The following SLC44A4 variants were observed in gnomAD, a reference collection of about 807,000 sequenced individuals.
The protein encoded by SLC44A4 is choline transporter-like protein 4.
Under a neutral mutation model 97.0 loss-of-function variants are expected in SLC44A4, and 74 were observed. The ratio of observed to expected loss-of-function variants is 0.76; its 90% CI spans 0.63 to 0.93. The LOEUF is 0.93. SLC44A4 is among the 40% of genes least tolerant of loss of function. The pLI, the probability that SLC44A4 is intolerant of heterozygous loss-of-function variation, is 0.00. For missense variants in SLC44A4, 799 were observed against 902.9 expected (o/e 0.88, Z 1.48); for synonymous variants, 325 against 363.8 (o/e 0.89, Z 1.21).
intron 12 of SLC44A4, 136 bp downstream of exon 12, chr6:31,869,409 A>C: frequency 1.1e-6 from 1 of 946,458 alleles, no homozygotes; most frequent in Non-Finnish European, 1.6e-6. Flanking sequence ...CTGTTCAGGC[A>C]CAGTGCTGGT....
chr6:31,865,076 CCA>C lies in SLC44A4; in HGVS notation c.1763_1764del (p.Val588GlyfsTer39), dbSNP rs1562441452. 1 of 1,613,206 alleles carries C rather than the reference CCA, an allele frequency of 6.2e-7. No homozygotes were observed. Among genetic ancestry groups the C allele is most frequent in the African/African-American group, 1.3e-5 (1 of 74,908 alleles). On this transcript the variant is annotated frameshift_variant and splice_region_variant, in exon 18 of 21. Transcript: ENST00000229729. LOFTEE classifies it high-confidence loss of function. The surrounding 1 kb of genome is among the most constrained non-coding windows in gnomAD (Gnocchi z 5.2). ...AGGTCTGTGACTTTGTCCAGGACGA[CCA>C]CCCTGTGCCAGAAGTTAGGGCAGGT... is the stretch of plus-strand genomic sequence containing the variant. ...FMLLMRNIVR[V>X]VVLDKVTDLL...
chr6:31,863,789 C>T (rs755766515), intron 20 of SLC44A4, 41 bp from the exon 21 acceptor site: 11 of 1,609,386 alleles, frequency 6.8e-6, no homozygotes, highest in African/African-American at 1.3e-5. Flanking sequence ...ACCCTGGGGC[C>T]AGGAAATCGG....
chr6:31,870,697 C>T lies in SLC44A4; in HGVS notation c.943G>A (p.Val315Met), dbSNP rs149824010. Reference sequence around the variant, plus strand: ...AGGATGGCTTCAAGCACCGCCAACACGATCACTGCAGAGGACGGGGCAGAC... The same window carrying T: ...AGGATGGCTTCAAGCACCGCCAACATGATCACTGCAGAGGACGGGGCAGAC... ...VQETWLAALI[V>M]LAVLEAILLL... Residue 315 changes from valine to methionine, a missense_variant, in exon 11 of 21, where the codon GTG (valine) becomes ATG (methionine). Val to Met is a conservative substitution (Grantham distance 21). Transcript: ENST00000229729. The T allele has an allele frequency of 3.0e-5, 48 of 1,611,462 alleles. No individual in the cohort carries two copies. In the East Asian group the frequency reaches 6.0e-4, roughly 20 times the overall value.
At chr6:31,869,772 T>C in intron 11 of SLC44A4, 135 bp from the exon 12 acceptor site, 1 of 658,192 alleles carries the variant, frequency 1.5e-6, no homozygotes, top group Non-Finnish European at 2.7e-6. Flanking sequence ...GATCACGAGG[T>C]CAGGAGATCG....
In SLC44A4 at chr6:31,864,881, G is replaced by C. The variant is rs752284502; in HGVS notation, c.1861C>G (p.Arg621Gly). ...GVLSFFFFSG[R>G]IPGLGKDFKS... is the part of the protein sequence containing the mutation. Reference sequence around the variant, plus strand: ...AAGTCTTTACCCAGCCCCGGGATGCGACCGGAGAAAAAAAAGAAGGACAGG... The same window carrying C: ...AAGTCTTTACCCAGCCCCGGGATGCCACCGGAGAAAAAAAAGAAGGACAGG... Residue 621 changes from arginine to glycine, a missense_variant, in exon 19 of 21, where the codon CGC becomes GGC. By Grantham distance (125) the Arg-to-Gly change is moderately radical. This residue lies in a region of SLC44A4 where 379 missense variants were observed against 438.3 expected (regional missense o/e 0.86). Transcript: ENST00000229729. The C allele has an allele frequency of 3.1e-6, 5 of 1,613,864 alleles. No individual in the cohort carries two copies. The African/African-American group carries it at 5.3e-5, about 17-fold the overall frequency.
In SLC44A4 at chr6:31,870,961, A is replaced by T. The variant is rs762871670; in HGVS notation, c.788T>A (p.Leu263Gln). ...GTATGCCAGCACGCCCAGCACTCCC[A>T]GGATCAGCACCAGCACCAGGGGCCC... The part of the protein sequence containing the change: ...VAGPLVLVLI[L>Q]GVLGVLAYGI... Residue 263 changes from leucine to glutamine, a missense_variant, in exon 10 of 21, where the codon CTG becomes CAG. Around this residue, in one of 3 missense-constraint regions of SLC44A4, gnomAD observed 409 missense variants for 434.1 expected, o/e 0.94. Coordinates refer to ENST00000229729, the MANE Select transcript of SLC44A4 (RefSeq NM_025257.3). The T allele has an allele frequency of 1.2e-6, 2 of 1,613,066 alleles. No homozygotes were observed. Among genetic ancestry groups the T allele is most frequent in the African/African-American group, 2.7e-5 (2 of 75,032 alleles).
intron 13 of SLC44A4, among the ~76,000 whole-genome samples, chr6:31,868,051 C>G (rs1414508253): frequency 1.3e-5 from 2 of 152,098 alleles, no homozygotes; most frequent in Non-Finnish European, 2.9e-5. Context: ...CTCCTGACCT[C>G]AGGTGATCTG....
At chr6:31,870,014 T>G (rs575591) in intron 11 of SLC44A4, among the ~76,000 whole-genome samples, 90,585 of 150,860 alleles carry the variant, frequency 0.6, 27,710 homozygotes, top group Middle Eastern at 0.78. Flanking sequence ...GGCTGACCCC[T>G]CTGCCCTCAC....
At position 31,877,773 on chromosome 6, in the gene SLC44A4, A is replaced by T; in HGVS notation, c.41-691T>A. On this transcript the variant is annotated intron_variant, in intron 1 of 20. Transcript: ENST00000229729. This position sits in a 1 kb window ranked among gnomAD's most constrained non-coding sequence, Gnocchi z 6.5. ...CACGTTGAGTTCCTGGTCCTCCCTG[A>T]GTACACACACAGGGAGGAGGAGGGC... is the stretch of plus-strand genomic sequence containing the variant. The T allele has an allele frequency of 4.1e-5, 9 of 222,024 alleles. No individual in the cohort carries two copies. The highest frequency in any genetic ancestry group is 6.8e-5 in the Non-Finnish European group (9 of 131,930). 13.8% of individuals were successfully genotyped at this position (222,024 alleles called of 1,614,324 possible).
chr6:31,869,756 C>T (rs563701199), intron 11 of SLC44A4, 119 bp from the exon 12 acceptor site: 26 of 714,382 alleles, frequency 3.6e-5, no homozygotes, highest in African/African-American at 1.2e-4. Flanking sequence ...GAGGCTGAGG[C>T]GGGCGGATCA....
chr6:31,877,693 G>C lies in SLC44A4; in HGVS notation c.41-611C>G, dbSNP rs562658761. On this transcript the variant is annotated intron_variant, in intron 1 of 20. Coordinates refer to ENST00000229729, the MANE Select transcript of SLC44A4 (RefSeq NM_025257.3). The surrounding 1 kb of genome is among the most constrained non-coding windows in gnomAD (Gnocchi z 6.5). ...CAGTCCCCTGGCCACAGTGTGCTCC[G>C]GGCTCTGGGCCAGCAGTCAGAGTGA... 1.1e-6 allele frequency: 1 copy of C among 932,788 alleles called. No individual in the cohort carries two copies. Among genetic ancestry groups the C allele is most frequent in the African/African-American group, 1.8e-5 (1 of 56,282 alleles). The allele number at this position is 932,788 out of a possible 1,614,324, so 57.8% of individuals were successfully genotyped here. A position where few individuals can be genotyped will look rare whatever the true frequency, so the allele number is the denominator to read the frequency against.
chr6:31,863,863 G>A, intron 20 of SLC44A4, 115 bp from the exon 21 acceptor site: 33 of 1,390,358 alleles, frequency 2.4e-5, no homozygotes, highest in Non-Finnish European at 3.3e-5. Flanking sequence ...CTTACCCCCG[G>A]GCAGGTTATG....
rs1156246382 is a variant in SLC44A4, at chr6:31,870,859, G to A, written c.890C>T (p.Thr297Ile). The A allele has an allele frequency of 6.2e-6, 10 of 1,613,094 alleles. No individual in the cohort carries two copies. The highest frequency in any genetic ancestry group is 8.5e-6 in the Non-Finnish European group (10 of 1,180,024). ...GASISQLGFT[T>I]NLSAYQSVQE... ...CACGCTCTGGTAGGCACTGAGGTTG[G>A]TGGTGAAACCCAGCTGGGAGATGGA... Residue 297 changes from threonine to isoleucine, a missense_variant, in exon 10 of 21, where the codon ACC becomes ATC. Physicochemically the swap from Thr to Ile is moderately conservative, Grantham distance 89. Around this residue, in one of 3 missense-constraint regions of SLC44A4, gnomAD observed 409 missense variants for 434.1 expected, o/e 0.94. Coordinates refer to ENST00000229729, the MANE Select transcript of SLC44A4 (RefSeq NM_025257.3).
chr6:31,876,487 G>A lies in SLC44A4; in HGVS notation c.90-358C>T, dbSNP rs370340192. Among the ~76,000 whole-genome samples the A allele has an allele frequency of 6.6e-6, 1 of 152,004 alleles. No individual in the cohort carries two copies. The highest frequency in any genetic ancestry group is 1.5e-5 in the Non-Finnish European group (1 of 68,014). On this transcript the variant is annotated intron_variant, in intron 2 of 20. Coordinates refer to ENST00000229729, the MANE Select transcript of SLC44A4 (RefSeq NM_025257.3). This position sits in a 1 kb window ranked among gnomAD's most constrained non-coding sequence, Gnocchi z 4.8. The stretch of plus-strand genomic sequence containing the variant: ...AACCTAGCCAGGCACAGTGGCTCAC[G>A]ACTGTAATACTAGCTACTTGGGAGG...
At chr6:31,869,297 C>T in intron 12 of SLC44A4, 40 bp from the exon 13 acceptor site, 1 of 1,483,052 alleles carries the variant, frequency 6.7e-7, no homozygotes, top group Non-Finnish European at 9.3e-7. Flanking sequence ...CACGAGGTCT[C>T]CACAGGTCAC....
Position 31,878,274 on chromosome 6 carries a change from G to C in SLC44A4, c.40+667C>G, listed in dbSNP as rs1246341693. Among the ~76,000 whole-genome samples, 1 of 151,654 alleles carries C rather than the reference G, an allele frequency of 6.6e-6. No individual in the cohort carries two copies. The highest frequency in any genetic ancestry group is 1.9e-4 in the East Asian group (1 of 5,158). ...TCAGAGTACCCCAAGACCAGCTCCT[G>C]CTCCTAGCTCCTCACAGAGACCCCT... On this transcript the variant is annotated intron_variant, in intron 1 of 20. Coordinates refer to ENST00000229729, the MANE Select transcript of SLC44A4 (RefSeq NM_025257.3). This position sits in a 1 kb window ranked among gnomAD's most constrained non-coding sequence, Gnocchi z 4.0.
intron 13 of SLC44A4, among the ~76,000 whole-genome samples, 183 bp from the exon 14 acceptor site, chr6:31,866,309 C>T (rs990643985): frequency 2.6e-5 from 4 of 152,140 alleles, no homozygotes; most frequent in Admixed American, 2.6e-4. Flanking sequence ...TCAGTTTGGT[C>T]TGCCTATAGC....
At chr6:31,873,299 C>T (rs1763274761) in intron 7 of SLC44A4, among the ~76,000 whole-genome samples, 1 of 152,178 alleles carries the variant, frequency 6.6e-6, no homozygotes, top group Non-Finnish European at 1.5e-5. Context: ...TCTCCTGCCT[C>T]AGCCTCCTGA....
At chr6:31,871,068 G>A in intron 9 of SLC44A4, 21 bp from the exon 10 acceptor site, 1 of 1,581,992 alleles carries the variant, frequency 6.3e-7, no homozygotes, top group Non-Finnish European at 8.6e-7. Flanking sequence ...GGTGAGGACA[G>A]TGAGGTTCAG....
Sources: gnomAD v4.1 joint callset for allele counts (sites outside exome capture counted in the v4.1 genomes callset) on GRCh38, gnomAD v4.1.1 for gene constraint, gnomAD v4.1.1 regional missense constraint, Gnocchi (gnomAD v3.1) non-coding constraint, MANE v1.5 for transcripts, NCBI Gene and HGNC (gene_info 2026-07-23, HGNC 2026-07-21) for gene names.